USP37: variants seen among roughly 807,000 people sequenced by gnomAD.
USP37 encodes the protein ubiquitin carboxyl-terminal hydrolase 37.
In USP37, 27 loss-of-function variants were observed where a neutral mutation model predicts 124.0. The observed-to-expected ratio is 0.22, with a 90% CI of 0.16 to 0.30. USP37 has a LOEUF of 0.30. Among genes scored for constraint, USP37 ranks in the 10% least tolerant of loss-of-function variants. The pLI, the probability that USP37 is intolerant of heterozygous loss-of-function variation, is 1.00. For missense variants in USP37, 889 were observed against 1,140.4 expected, an observed-to-expected ratio of 0.78 and a Z score of 3.17; for synonymous variants, 365 against 388.0, an observed-to-expected ratio of 0.94 and a Z score of 0.70.
At chr2:218,566,563 T>C (rs1171752697) in intron 1 of USP37, among the ~76,000 whole-genome samples, 4 of 152,164 alleles carry the variant, frequency 2.6e-5, no homozygotes, top group Admixed American at 2.0e-4. Context: ...TGTAACCAGA[T>C]AGAAGAGTAT....
chr2:218,475,851 G>A (rs1487699338), intron 19 of USP37, among the ~76,000 whole-genome samples: 2 of 152,072 alleles, frequency 1.3e-5, no homozygotes, highest in East Asian at 3.8e-4. Flanking sequence ...ACTTGAACCT[G>A]GGGGATAGAG....
chr2:218,540,596 T>G (rs1691922044), intron 8 of USP37, among the ~76,000 whole-genome samples: 1 of 152,168 alleles, frequency 6.6e-6, no homozygotes, highest in South Asian at 2.1e-4. Flanking sequence ...GAGCTATGAC[T>G]ACACCAGTGC....
chr2:218,522,380 T>G lies in USP37; in HGVS notation c.863+7576A>C, dbSNP rs548461327. Among the ~76,000 whole-genome samples, 33 of 151,228 alleles carry G rather than the reference T, an allele frequency of 2.2e-4. No homozygotes were observed. In the East Asian group the frequency reaches 6.2e-3, roughly 29 times the overall value. On this transcript the variant is annotated intron_variant, in intron 10 of 25. Coordinates refer to ENST00000258399, the MANE Select transcript of USP37 (RefSeq NM_020935.3). ...GAGTTTGAAACCAGCCTGGCCAACA[T>G]AGAAAGACCCCATCTCTCTCTTTTT...
chr2:218,480,590 C>A (rs968463740), intron 17 of USP37, among the ~76,000 whole-genome samples: 3 of 152,134 alleles, frequency 2.0e-5, no homozygotes, highest in African/African-American at 4.8e-5. Context: ...TAATAGCTCT[C>A]ATTTATGGAG....
intron 11 of USP37, chr2:218,500,998 A>G (rs546797991): frequency 1.2e-5 from 2 of 164,338 alleles, no homozygotes; most frequent in South Asian, 4.2e-4. Context: ...CTGGTGAACA[A>G]CGGGGTGACA....
chr2:218,529,815 G>A, intron 10 of USP37, 141 bp downstream of exon 10: 2 of 616,134 alleles, frequency 3.2e-6, no homozygotes, highest in Non-Finnish European at 5.5e-6. Flanking sequence ...TAACTAACAT[G>A]TCAGGATTCT....
chr2:218,529,648 G>T (rs2106024603), intron 10 of USP37, among the ~76,000 whole-genome samples: 1 of 152,020 alleles, frequency 6.6e-6, no homozygotes, highest in South Asian at 2.1e-4. Flanking sequence ...TTGAGACAGG[G>T]TCTCGTTCTG....
At chr2:218,511,180 C>A (rs1483361666) in intron 10 of USP37, among the ~76,000 whole-genome samples, 3 of 151,894 alleles carry the variant, frequency 2.0e-5, no homozygotes, top group Non-Finnish European at 4.4e-5. Context: ...TGCTCTGTCA[C>A]CCAGGCTGAA....
chr2:218,526,945 C>T (rs1472968588), intron 10 of USP37, among the ~76,000 whole-genome samples: 3 of 151,744 alleles, frequency 2.0e-5, no homozygotes, highest in East Asian at 1.9e-4. Flanking sequence ...CCCGCCACCA[C>T]GCCCGGCTAA....
chr2:218,499,940 T>G (rs1189463528), intron 11 of USP37, among the ~76,000 whole-genome samples: 10 of 152,044 alleles, frequency 6.6e-5, no homozygotes, highest in Non-Finnish European at 7.4e-5. Flanking sequence ...CTGGGTAATT[T>G]TTTAATTTTT....
At chr2:218,479,182 G>C (rs1003539279) in intron 18 of USP37, among the ~76,000 whole-genome samples, 13 of 152,158 alleles carry the variant, frequency 8.5e-5, no homozygotes, top group Admixed American at 4.6e-4. Flanking sequence ...ATGCTTGCTT[G>C]TTTTCCTGTC....
chr2:218,547,833 A>C (rs191521928), intron 6 of USP37, among the ~76,000 whole-genome samples: 7 of 152,300 alleles, frequency 4.6e-5, no homozygotes, highest in Admixed American at 1.3e-4. Context: ...AGATGAATCA[A>C]AGAGTCTACC....
intron 18 of USP37, among the ~76,000 whole-genome samples, chr2:218,478,095 T>C (rs1691068975): frequency 6.6e-6 from 1 of 151,756 alleles, no homozygotes; most frequent in African/African-American, 2.4e-5. Flanking sequence ...AAACTGAAAA[T>C]AAACATATAG....
At chr2:218,457,262 T>C in intron 23 of USP37, 101 bp from the exon 24 acceptor site, 1 of 1,142,688 alleles carries the variant, frequency 8.8e-7, no homozygotes, top group Admixed American at 2.2e-5. Flanking sequence ...TAAGCTTTGG[T>C]ATGTGGCATA....
At chr2:218,495,693 A>G in intron 14 of USP37, 67 bp downstream of exon 14, 1 of 1,492,736 alleles carries the variant, frequency 6.7e-7, no homozygotes. Flanking sequence ...TTGGTATGTC[A>G]TAGAAGAATT....
chr2:218,471,320 A>C (rs1475676254), intron 20 of USP37, among the ~76,000 whole-genome samples: 1 of 152,206 alleles, frequency 6.6e-6, no homozygotes, highest in Admixed American at 6.5e-5. Flanking sequence ...GTCTAGGGTA[A>C]TGACTTCTGT....
chr2:218,450,719 G>C lies in USP37; in HGVS notation c.*4211C>G, dbSNP rs190373350. The C allele has an allele frequency of 1.3e-5, 2 of 152,302 alleles. No homozygotes were observed. The highest frequency in any genetic ancestry group is 1.3e-4 in the Admixed American group (2 of 15,292). 9.4% of individuals were successfully genotyped at this position (152,302 alleles called of 1,614,324 possible). A position where few individuals can be genotyped will look rare whatever the true frequency, so the allele number is the denominator to read the frequency against. On this transcript the variant is annotated 3_prime_UTR_variant, in exon 26 of 26. Coordinates refer to ENST00000258399, the MANE Select transcript of USP37 (RefSeq NM_020935.3). Reference sequence around the variant, plus strand: ...ACTGTTCTTCTTTGTTCTGGCATCTGACTGGACCAACCTGGAACCTGGTCC... The same window carrying C: ...ACTGTTCTTCTTTGTTCTGGCATCTCACTGGACCAACCTGGAACCTGGTCC...
At position 218,475,103 on chromosome 2, in the gene USP37, G is replaced by C. The variant is rs190146964; in HGVS notation, c.2044-218C>G. Among the ~76,000 whole-genome samples the C allele has an allele frequency of 6.3e-3, 954 of 151,888 alleles. 10 individuals are homozygous for C. Among genetic ancestry groups the C allele is most frequent in the African/African-American group, 0.022 (918 of 41,404 alleles). Reference sequence around the variant, plus strand: ...CATTATTTTTTCTTGATTGAAATAAGTATATATTTTGTACAAATTTGGAGA... The same window carrying C: ...CATTATTTTTTCTTGATTGAAATAACTATATATTTTGTACAAATTTGGAGA... On this transcript the variant is annotated intron_variant, in intron 19 of 25. Transcript: ENST00000258399.
At chr2:218,477,077 G>A (rs1691021944) in intron 18 of USP37, 96 bp from the exon 19 acceptor site, 5 of 1,301,132 alleles carry the variant, frequency 3.8e-6, no homozygotes, top group South Asian at 2.0e-5. Context: ...TTCCATTACG[G>A]AAAATTACTT....
Sources: gnomAD v4.1 joint callset for allele counts (sites outside exome capture counted in the v4.1 genomes callset) on GRCh38, gnomAD v4.1.1 for gene constraint, MANE v1.5 for transcripts, NCBI Gene and HGNC (gene_info 2026-07-23, HGNC 2026-07-21) for gene names.